Variants in KCNH1 observed in about 807,000 individuals in gnomAD.
KCNH1 encodes potassium voltage-gated channel subfamily H member 1.
In KCNH1, 27 loss-of-function variants were observed where a neutral mutation model predicts 69.2. The ratio of observed to expected loss-of-function variants is 0.39; its 90% CI spans 0.29 to 0.54. KCNH1 has a LOEUF of 0.54. Ranked by LOEUF, KCNH1 falls within the 20% of genes least tolerant of loss-of-function variation. The pLI is 0.68. For missense variants in KCNH1, 798 were observed against 1,261.6 expected (o/e 0.63, Z 5.57); for synonymous variants, 456 against 487.7 (o/e 0.93, Z 0.86).
At chr1:210,984,664 T>A (rs1688793130) in intron 6 of KCNH1, among the ~76,000 whole-genome samples, 1 of 152,212 alleles carries the variant, frequency 6.6e-6, no homozygotes, top group Non-Finnish European at 1.5e-5. Flanking sequence ...AGCTTTTTGA[T>A]GTGCTGCTGG....
intron 10 of KCNH1, among the ~76,000 whole-genome samples, chr1:210,739,203 C>A (rs1486752690): frequency 1.3e-5 from 2 of 152,098 alleles, no homozygotes; most frequent in African/African-American, 4.8e-5. Flanking sequence ...TGTGAGTTAA[C>A]CCCTCATTTT....
intron 1 of KCNH1, among the ~76,000 whole-genome samples, chr1:211,118,026 C>T (rs1378383002): frequency 6.6e-6 from 1 of 152,116 alleles, no homozygotes; most frequent in Non-Finnish European, 1.5e-5. Flanking sequence ...CCAGGTGAAC[C>T]ATGTTGTATC....
At chr1:211,009,464 G>A (rs1689352912) in intron 6 of KCNH1, among the ~76,000 whole-genome samples, 1 of 152,144 alleles carries the variant, frequency 6.6e-6, no homozygotes, top group African/African-American at 2.4e-5. Flanking sequence ...TATGAGAAAG[G>A]AAACAAGTGA....
Position 210,807,618 on chromosome 1 carries a change from G to GATAA in KCNH1, c.1463-3456_1463-3453dup, listed in dbSNP as rs531359968. On this transcript the variant is annotated intron_variant, in intron 7 of 10. Coordinates refer to ENST00000271751, the MANE Select transcript of KCNH1 (RefSeq NM_172362.3). ...TGACAAAGCGAGACTGTCTCAAAAA[G>GATAA]ATAAATAAATAAATAAATAATAATA... Among the ~76,000 whole-genome samples, 1,378 of 150,138 alleles carry GATAA rather than the reference G, an allele frequency of 9.2e-3. 9 individuals carry two copies. The highest frequency in any genetic ancestry group is 0.02 in the Middle Eastern group (6 of 294).
At chr1:210,767,236 T>A (rs1433586701) in intron 10 of KCNH1, among the ~76,000 whole-genome samples, 1 of 152,222 alleles carries the variant, frequency 6.6e-6, no homozygotes, top group Non-Finnish European at 1.5e-5. Flanking sequence ...TTAGCACATG[T>A]GAAATGCACT....
chr1:210,730,211 C>T (rs1439937562), intron 10 of KCNH1, among the ~76,000 whole-genome samples: 1 of 152,178 alleles, frequency 6.6e-6, no homozygotes, highest in Non-Finnish European at 1.5e-5. Context: ...ATGATGATAA[C>T]ATCTCAAAGC....
intron 3 of KCNH1, among the ~76,000 whole-genome samples, chr1:211,095,884 C>T (rs961406202): frequency 1.3e-5 from 2 of 152,258 alleles, no homozygotes; most frequent in African/African-American, 4.8e-5. Flanking sequence ...TAGTCCCAAG[C>T]CCTGAGTTTG....
At chr1:210,776,035 G>T (rs189637520) in intron 9 of KCNH1, among the ~76,000 whole-genome samples, 18 of 152,296 alleles carry the variant, frequency 1.2e-4, no homozygotes, top group Non-Finnish European at 4.4e-5. Context: ...GGTAGACTGT[G>T]GTGGGTCTAT....
At chr1:210,931,801 GA>G (rs1326813394) in intron 6 of KCNH1, among the ~76,000 whole-genome samples, 1 of 148,830 alleles carries the variant, frequency 6.7e-6, no homozygotes, top group Non-Finnish European at 1.5e-5. Flanking sequence ...TCATAAAAGA[GA>G]AAAAAACAGA....
At chr1:210,745,411 G>C (rs944262212) in intron 10 of KCNH1, among the ~76,000 whole-genome samples, 1 of 152,012 alleles carries the variant, frequency 6.6e-6, no homozygotes. Context: ...TAGAAATTCT[G>C]GTATTTTCGC....
chr1:210,931,259 C>G (rs1041134937), intron 6 of KCNH1, among the ~76,000 whole-genome samples: 2 of 152,110 alleles, frequency 1.3e-5, no homozygotes, highest in Non-Finnish European at 2.9e-5. Context: ...AATATGGAAC[C>G]AGCCCAAATG....
chr1:210,861,296 G>T, intron 7 of KCNH1: 7 of 872,230 alleles, frequency 8.0e-6, no homozygotes, highest in South Asian at 7.9e-5. Flanking sequence ...TTGATTAATA[G>T]AATTTAATGT....
chr1:210,865,956 AT>A (rs1322544380), intron 7 of KCNH1, among the ~76,000 whole-genome samples: 1 of 152,164 alleles, frequency 6.6e-6, no homozygotes, highest in African/African-American at 2.4e-5. Context: ...GTCAAAAAGT[AT>A]GTTATAGATC....
intron 7 of KCNH1, among the ~76,000 whole-genome samples, chr1:210,877,690 T>C (rs1290441390): frequency 6.6e-6 from 1 of 152,162 alleles, no homozygotes; most frequent in African/African-American, 2.4e-5. Context: ...GAAGAAAATA[T>C]AAAGATATCT....
rs1164179026 is a variant in KCNH1 at position 210,738,125 on chromosome 1, G to GCAAAGAGGT, written c.2112+37222_2112+37223insACCTCTTTG. Among the ~76,000 whole-genome samples the GCAAAGAGGT allele has an allele frequency of 2.7e-3, 405 of 152,124 alleles. 8 individuals carry two copies. The highest frequency in any genetic ancestry group is 1.8e-3 in the Non-Finnish European group (121 of 68,004). ...CATTCACTCCCCCCGCAACCATATT[G>GCAAAGAGGT]GTCTCTTTGCTTCCCCTCAGACACC... is the stretch of plus-strand genomic sequence containing the variant. On this transcript the variant is annotated intron_variant, in intron 10 of 10. Coordinates refer to ENST00000271751, the MANE Select transcript of KCNH1 (RefSeq NM_172362.3).
intron 3 of KCNH1, among the ~76,000 whole-genome samples, chr1:211,100,543 G>T (rs1691238568): frequency 6.6e-6 from 1 of 152,148 alleles, no homozygotes; most frequent in South Asian, 2.1e-4. Flanking sequence ...GTAGATGGGG[G>T]TTTCACCATG....
At chr1:211,083,936 T>A (rs1690906679) in intron 4 of KCNH1, among the ~76,000 whole-genome samples, 1 of 152,212 alleles carries the variant, frequency 6.6e-6, no homozygotes, top group African/African-American at 2.4e-5. Context: ...ACACAACCTA[T>A]GAGAATCATA....
chr1:210,836,485 C>T (rs1001893941), intron 7 of KCNH1, among the ~76,000 whole-genome samples: 2 of 152,094 alleles, frequency 1.3e-5, no homozygotes, highest in Admixed American at 1.3e-4. Context: ...CTGTTAATGC[C>T]CCTCAATTTA....
chr1:211,052,997 T>C (rs1461922754), intron 5 of KCNH1, among the ~76,000 whole-genome samples: 1 of 152,234 alleles, frequency 6.6e-6, no homozygotes, highest in Non-Finnish European at 1.5e-5. Flanking sequence ...AGACCAAATC[T>C]TTGTGTAGTT....
Sources: allele counts gnomAD v4.1 joint callset (sites outside exome capture counted in the v4.1 genomes callset), GRCh38; gene constraint gnomAD v4.1.1; transcripts MANE v1.5; gene names NCBI Gene and HGNC (gene_info 2026-07-23, HGNC 2026-07-21).